The following ANTXR1 variants were observed in gnomAD, a reference collection of about 807,000 sequenced individuals.
ANTXR1 encodes the protein ANTXR cell adhesion molecule 1.
In ANTXR1, 19 loss-of-function variants were observed where a neutral mutation model predicts 78.1. The ratio of observed to expected loss-of-function variants is 0.24; its 90% CI spans 0.17 to 0.36. The LOEUF is 0.36. ANTXR1 is among the 10% of genes least tolerant of loss of function. The probability of loss-of-function intolerance (pLI) is 1.00; values close to 1 mark genes in which losing one functional copy is unlikely to be tolerated. For synonymous variants in ANTXR1, 273 were observed against 260.5 expected (o/e 1.05, Z -0.46); for missense variants, 518 against 718.6 (o/e 0.72, Z 3.19).
chr2:69,218,291 CT>C (rs1445313195), intron 17 of ANTXR1, among the ~76,000 whole-genome samples: 1 of 152,104 alleles, frequency 6.6e-6, no homozygotes, highest in Non-Finnish European at 1.5e-5. Flanking sequence ...CTTTTAAAAG[CT>C]CTCAAGCTGA....
At chr2:69,029,756 A>G (rs1342506750) in intron 1 of ANTXR1, among the ~76,000 whole-genome samples, 1 of 152,094 alleles carries the variant, frequency 6.6e-6, no homozygotes, top group Non-Finnish European at 1.5e-5. Flanking sequence ...AAAATTACCT[A>G]AAAATATTGA....
At chr2:69,061,991 G>A (rs1398129688) in intron 3 of ANTXR1, among the ~76,000 whole-genome samples, 1 of 152,196 alleles carries the variant, frequency 6.6e-6, no homozygotes, top group Non-Finnish European at 1.5e-5. Context: ...TAGTAGAGAT[G>A]CAGGAAGCAC....
At chr2:69,140,259 T>C (rs1471372933) in intron 12 of ANTXR1, among the ~76,000 whole-genome samples, 1 of 152,216 alleles carries the variant, frequency 6.6e-6, no homozygotes, top group Non-Finnish European at 1.5e-5. Context: ...ATGGCTTATC[T>C]CAGTCCTTCT....
chr2:69,164,069 G>C (rs1430842753), intron 13 of ANTXR1, among the ~76,000 whole-genome samples: 1 of 152,188 alleles, frequency 6.6e-6, no homozygotes, highest in African/African-American at 2.4e-5. Context: ...TGTGCGTGTA[G>C]TTTTCAAATT....
intron 17 of ANTXR1, among the ~76,000 whole-genome samples, chr2:69,230,074 C>G (rs886750822): frequency 4.0e-5 from 6 of 151,780 alleles, no homozygotes; most frequent in African/African-American, 1.4e-4. Context: ...TGTCTTGCCC[C>G]TTTGAAAGGT....
chr2:69,126,562 C>G (rs1672546944), intron 12 of ANTXR1, among the ~76,000 whole-genome samples: 2 of 152,042 alleles, frequency 1.3e-5, no homozygotes, highest in African/African-American at 4.8e-5. Flanking sequence ...TTTGAGTGAT[C>G]CAACAGTTGG....
chr2:69,100,394 T>C (rs1354144599), intron 9 of ANTXR1, among the ~76,000 whole-genome samples: 2 of 152,216 alleles, frequency 1.3e-5, no homozygotes, highest in Non-Finnish European at 1.5e-5. Context: ...GAGCATCATT[T>C]CCTCCACCGT....
intron 12 of ANTXR1, among the ~76,000 whole-genome samples, chr2:69,137,133 C>T (rs181130292): frequency 2.0e-4 from 31 of 152,278 alleles, no homozygotes; most frequent in African/African-American, 6.3e-4. Flanking sequence ...TACTATGAAA[C>T]TCTCAATTTG....
intron 14 of ANTXR1, among the ~76,000 whole-genome samples, chr2:69,176,994 G>A (rs940385368): frequency 2.0e-5 from 3 of 152,172 alleles, no homozygotes; most frequent in South Asian, 2.1e-4. Context: ...TCCAGGGGAC[G>A]CTATTCACAT....
chr2:69,054,762 C>T (rs1670021532), intron 3 of ANTXR1, among the ~76,000 whole-genome samples: 1 of 152,118 alleles, frequency 6.6e-6, no homozygotes, highest in Admixed American at 6.6e-5. Flanking sequence ...TTCTAAAGGC[C>T]TTTTCTAAAT....
rs145079052 is a variant in ANTXR1 at position 69,233,836 on chromosome 2, C to T, written c.1435-11389C>T. Among the ~76,000 whole-genome samples, 1,194 of 151,756 alleles carry T rather than the reference C, an allele frequency of 7.9e-3. 7 individuals carry two copies. The highest frequency in any genetic ancestry group is 0.012 in the Non-Finnish European group (825 of 67,840). On this transcript the variant is annotated intron_variant, in intron 17 of 17. Transcript: ENST00000303714. ...AGAAATGGAAAATATTAAATTATAT[C>T]AACAGAAATACTGTAAGAGAATTCA... is the stretch of plus-strand genomic sequence containing the variant.
chr2:69,141,549 G>C (rs987729129), intron 12 of ANTXR1, among the ~76,000 whole-genome samples: 1 of 152,138 alleles, frequency 6.6e-6, no homozygotes, highest in African/African-American at 2.4e-5. Flanking sequence ...AGTCTGTCTC[G>C]GGTCTCGACA....
At position 69,078,650 on chromosome 2, in the gene ANTXR1, G is replaced by T. The variant is rs142055402; in HGVS notation, c.642+1162G>T. ...ACTTAGAGATCCTTGGACATTTCTTGTTTGGAAACAGGGACTGATGATGAC... is the reference window on the plus strand; with the variant it reads ...ACTTAGAGATCCTTGGACATTTCTTTTTTGGAAACAGGGACTGATGATGAC... On this transcript the variant is annotated intron_variant, in intron 8 of 17. Coordinates refer to ENST00000303714, the MANE Select transcript of ANTXR1 (RefSeq NM_032208.3). Among the ~76,000 whole-genome samples, 3 of 152,308 alleles carry T rather than the reference G, an allele frequency of 2.0e-5. No individual in the cohort carries two copies. The East Asian group carries it at 5.8e-4, about 29-fold the overall frequency.
intron 14 of ANTXR1, among the ~76,000 whole-genome samples, chr2:69,180,667 C>A (rs983326677): frequency 6.6e-6 from 1 of 152,192 alleles, no homozygotes; most frequent in Non-Finnish European, 1.5e-5. Flanking sequence ...CCACCACATA[C>A]AACATAGTGC....
chr2:69,058,533 GA>G (rs35594191), intron 3 of ANTXR1, among the ~76,000 whole-genome samples: 33,986 of 148,748 alleles, frequency 0.23, 4,602 homozygotes, highest in African/African-American at 0.37. Context: ...CCTACTTCTT[GA>G]AAAAAAAAAA....
At chr2:69,242,705 C>A (rs765287640) in intron 17 of ANTXR1, among the ~76,000 whole-genome samples, 1 of 152,130 alleles carries the variant, frequency 6.6e-6, no homozygotes, top group Non-Finnish European at 1.5e-5. Context: ...TGTCTAGGAA[C>A]GAAGGGCAGA....
chr2:69,129,081 A>G lies in ANTXR1; in HGVS notation c.951+4438A>G, dbSNP rs1036135092. ...GTAAACTTTGGTGAGCTCCATGACT[A>G]TAGAAAATGGTCAAACATCCAGAGT... On this transcript the variant is annotated intron_variant, in intron 12 of 17. Transcript: ENST00000303714. Among the ~76,000 whole-genome samples the G allele has an allele frequency of 4.6e-5, 7 of 152,210 alleles. No homozygotes were observed. The East Asian group carries it at 1.3e-3, about 29-fold the overall frequency.
At chr2:69,242,202 C>G (rs1260610129) in intron 17 of ANTXR1, among the ~76,000 whole-genome samples, 1 of 152,152 alleles carries the variant, frequency 6.6e-6, no homozygotes, top group Non-Finnish European at 1.5e-5. Flanking sequence ...CATCTCCATC[C>G]CTCTGCTGCT....
chr2:69,165,467 G>A (rs1055412669), intron 13 of ANTXR1, among the ~76,000 whole-genome samples: 1 of 152,218 alleles, frequency 6.6e-6, no homozygotes, highest in Non-Finnish European at 1.5e-5. Context: ...TGTCAACAAT[G>A]AGCCTGTCTA....
Sources: gnomAD v4.1 joint callset for allele counts (sites outside exome capture counted in the v4.1 genomes callset) on GRCh38, gnomAD v4.1.1 for gene constraint, MANE v1.5 for transcripts, NCBI Gene and HGNC (gene_info 2026-07-23, HGNC 2026-07-21) for gene names.